MTMR12: variants seen among roughly 807,000 people sequenced by gnomAD.
MTMR12 encodes myotubularin-related protein 12.
MTMR12 carries 33 observed loss-of-function variants against 96.7 expected under a neutral mutation model. The observed-to-expected ratio is 0.34, with a 90% CI of 0.26 to 0.46. The LOEUF is 0.46. Ranked by LOEUF, MTMR12 falls within the 20% of genes least tolerant of loss-of-function variation. MTMR12 has a pLI of 1.00. For synonymous variants in MTMR12, 298 were observed against 327.2 expected (o/e 0.91, Z 0.96); for missense variants, 721 against 896.1 (o/e 0.80, Z 2.49).
chr5:32,277,887 T>C (rs1022161602), intron 1 of MTMR12, among the ~76,000 whole-genome samples: 2 of 152,192 alleles, frequency 1.3e-5, no homozygotes, highest in African/African-American at 4.8e-5. Context: ...CCAGCTAATC[T>C]ACAGCACACC....
At position 32,233,239 on chromosome 5, in the gene MTMR12, A is replaced by G. The variant is rs1343853873; in HGVS notation, c.1674+534T>C. Among the ~76,000 whole-genome samples, 1 of 152,066 alleles carries G rather than the reference A, an allele frequency of 6.6e-6. No homozygotes were observed. The highest frequency in any genetic ancestry group is 1.5e-5 in the Non-Finnish European group (1 of 68,008). On this transcript the variant is annotated intron_variant, in intron 15 of 15. Coordinates refer to ENST00000382142, the MANE Select transcript of MTMR12 (RefSeq NM_001040446.3). This position sits in a 1 kb window ranked among gnomAD's most constrained non-coding sequence, Gnocchi z 5.0. ...TTTTTTTTTTCAAGTAAAGGAATAAAGAATGGCTACTCCAAGGGCAGAGCA... is the reference window on the plus strand; with the variant it reads ...TTTTTTTTTTCAAGTAAAGGAATAAGGAATGGCTACTCCAAGGGCAGAGCA...
intron 13 of MTMR12, among the ~76,000 whole-genome samples, chr5:32,236,941 C>A (rs937356783): frequency 5.3e-5 from 8 of 152,204 alleles, no homozygotes; most frequent in African/African-American, 1.9e-4. Context: ...ATGCCATCAA[C>A]CTTTCAAATT....
intron 10 of MTMR12, among the ~76,000 whole-genome samples, chr5:32,243,958 A>G (rs1748576245): frequency 6.6e-6 from 1 of 152,216 alleles, no homozygotes; most frequent in South Asian, 2.1e-4. Flanking sequence ...GGAAAATGCA[A>G]CTGGATCCAT....
intron 6 of MTMR12, 56 bp downstream of exon 6, chr5:32,268,645 G>C: frequency 1.4e-6 from 2 of 1,450,444 alleles, no homozygotes; most frequent in Non-Finnish European, 1.9e-6. Context: ...ACTGGCTTCA[G>C]GTGGGAATTG....
chr5:32,288,323 GC>G (rs1199565429), intron 1 of MTMR12, among the ~76,000 whole-genome samples: 2 of 152,032 alleles, frequency 1.3e-5, no homozygotes, highest in Admixed American at 6.6e-5. Context: ...AACCCATACT[GC>G]CATCAGCCTT....
intron 8 of MTMR12, among the ~76,000 whole-genome samples, chr5:32,254,003 A>G (rs574221063): frequency 4.6e-5 from 7 of 152,354 alleles, no homozygotes; most frequent in African/African-American, 1.4e-4. Context: ...TCTCAGGCCC[A>G]AGGCCTGGCT....
intron 7 of MTMR12, among the ~76,000 whole-genome samples, chr5:32,259,687 T>C (rs557324872): frequency 1.3e-5 from 2 of 152,208 alleles, no homozygotes; most frequent in African/African-American, 4.8e-5. Flanking sequence ...GGGCAGACAG[T>C]GCAATGAAAA....
At chr5:32,304,630 T>C (rs925498326) in intron 1 of MTMR12, among the ~76,000 whole-genome samples, 2 of 152,186 alleles carry the variant, frequency 1.3e-5, no homozygotes, top group Non-Finnish European at 2.9e-5. Context: ...TAGAGAAAGA[T>C]CCAGAACTTT....
At chr5:32,296,972 G>A (rs1231972454) in intron 1 of MTMR12, among the ~76,000 whole-genome samples, 3 of 151,476 alleles carry the variant, frequency 2.0e-5, no homozygotes, top group South Asian at 2.1e-4. Context: ...GCGTGATGGC[G>A]GGCGCCTGTA....
At chr5:32,309,181 C>G (rs1751481358) in intron 1 of MTMR12, among the ~76,000 whole-genome samples, 2 of 152,214 alleles carry the variant, frequency 1.3e-5, no homozygotes, top group South Asian at 4.1e-4. Context: ...AACATGTGCA[C>G]TTGGTGGACG....
intron 10 of MTMR12, among the ~76,000 whole-genome samples, chr5:32,244,137 G>A (rs559836114): frequency 6.6e-6 from 1 of 152,234 alleles, no homozygotes; most frequent in Non-Finnish European, 1.5e-5. Context: ...AACTCAGGCT[G>A]GGTGCTGTGG....
At position 32,230,204 on chromosome 5, in the gene MTMR12, T is replaced by A; in HGVS notation, c.1818A>T (p.Gln606His). The change falls in exon 16 of 16, where the codon CAA (glutamine) becomes CAT (histidine). Residue 606 changes from glutamine to histidine, a missense_variant. Gln to His is a conservative substitution (Grantham distance 24). Coordinates refer to ENST00000382142, the MANE Select transcript of MTMR12 (RefSeq NM_001040446.3). Reference sequence around the variant, plus strand: ...TGTCATAGAACTCTCGAAAGTTGTCTTGGAGCTCATCAGAAGAATTAATAA... The same window carrying A: ...TGTCATAGAACTCTCGAAAGTTGTCATGGAGCTCATCAGAAGAATTAATAA... Reference protein sequence around the residue: ...SKLINSSDELQDNFREFYDSW... With the variant: ...SKLINSSDELHDNFREFYDSW... 1 of 1,614,246 alleles carries A rather than the reference T, an allele frequency of 6.2e-7. No homozygotes were observed.
At chr5:32,240,966 G>A (rs1185315560) in intron 12 of MTMR12, among the ~76,000 whole-genome samples, 1 of 152,170 alleles carries the variant, frequency 6.6e-6, no homozygotes, top group African/African-American at 2.4e-5. Flanking sequence ...ACTCCTGTGG[G>A]TAATGGAATG....
intron 12 of MTMR12, among the ~76,000 whole-genome samples, chr5:32,239,578 C>T (rs534084037): frequency 5.4e-4 from 82 of 152,212 alleles, no homozygotes; most frequent in African/African-American, 1.0e-3. Flanking sequence ...TGGAAGCCTC[C>T]GTCACTGAAC....
intron 1 of MTMR12, among the ~76,000 whole-genome samples, chr5:32,298,055 T>G (rs1460652761): frequency 6.6e-6 from 1 of 152,152 alleles, no homozygotes; most frequent in Non-Finnish European, 1.5e-5. Flanking sequence ...TAGTTAGGAT[T>G]TGGATCAGTG....
At chr5:32,268,270 G>A (rs540444424) in intron 6 of MTMR12, among the ~76,000 whole-genome samples, 19 of 152,224 alleles carry the variant, frequency 1.2e-4, no homozygotes, top group South Asian at 8.3e-4. Flanking sequence ...CACTTTGGGA[G>A]GCCGAGGTGG....
intron 1 of MTMR12, among the ~76,000 whole-genome samples, chr5:32,310,263 A>C (rs1388802399): frequency 6.6e-6 from 1 of 152,222 alleles, no homozygotes; most frequent in Non-Finnish European, 1.5e-5. Flanking sequence ...TGATCACGCC[A>C]CTGTACTTCA....
intron 8 of MTMR12, among the ~76,000 whole-genome samples, chr5:32,253,230 TA>T (rs1157510106): frequency 6.6e-6 from 1 of 152,180 alleles, no homozygotes; most frequent in Non-Finnish European, 1.5e-5. Context: ...TTATCTGGCC[TA>T]AAATGTCAAT....
At chr5:32,304,640 TA>T (rs1340520753) in intron 1 of MTMR12, among the ~76,000 whole-genome samples, 1 of 152,238 alleles carries the variant, frequency 6.6e-6, no homozygotes. Flanking sequence ...TCCAGAACTT[TA>T]AACTTCTAAG....
Sources: allele counts gnomAD v4.1 joint callset (sites outside exome capture counted in the v4.1 genomes callset), GRCh38; gene constraint gnomAD v4.1.1; non-coding constraint Gnocchi (gnomAD v3.1); transcripts MANE v1.5; gene names NCBI Gene and HGNC (gene_info 2026-07-23, HGNC 2026-07-21).